Variants in MYPN observed in about 807,000 individuals in gnomAD.
The protein encoded by MYPN is myopalladin.
A neutral mutation model predicts 129.4 loss-of-function variants in MYPN; 63 were observed. That is an observed-to-expected ratio of 0.49 (90% CI 0.40 to 0.60). The LOEUF (loss-of-function observed/expected upper bound fraction) is 0.60. Ranked by LOEUF, MYPN falls within the 20% of genes least tolerant of loss-of-function variation. The pLI is 0.00. For synonymous variants in MYPN, 629 were observed against 600.9 expected (o/e 1.05, Z -0.68); for missense variants, 1,596 against 1,635.4 (o/e 0.98, Z 0.42).
At chr10:68,158,167 T>G (rs1274748955) in intron 6 of MYPN, 1 of 273,622 alleles carries the variant, frequency 3.7e-6, no homozygotes, top group Non-Finnish European at 7.0e-6. Context: ...GCGGGTGCCC[T>G]TTTTCTCCCT....
chr10:68,107,074 T>C (rs2042020633), upstream of MYPN, among the ~76,000 whole-genome samples: 1 of 152,248 alleles, frequency 6.6e-6, no homozygotes, highest in African/African-American at 2.4e-5. Context: ...ATATAATGTT[T>C]ATACAATTAC....
intron 2 of MYPN, among the ~76,000 whole-genome samples, chr10:68,134,802 AAATT>A (rs1418305534): frequency 1.3e-5 from 2 of 152,094 alleles, no homozygotes; most frequent in African/African-American, 2.4e-5. Flanking sequence ...TCAAAAAAAT[AAATT>A]AATTAATTAA....
intron 1 of MYPN, among the ~76,000 whole-genome samples, chr10:68,094,668 G>A (rs1003577726): frequency 1.3e-5 from 2 of 152,082 alleles, no homozygotes; most frequent in South Asian, 2.1e-4. Flanking sequence ...AATTTATTTC[G>A]TGATATGTAA....
intron 2 of MYPN, among the ~76,000 whole-genome samples, chr10:68,125,070 G>A (rs999169789): frequency 4.6e-5 from 7 of 152,130 alleles, no homozygotes; most frequent in African/African-American, 1.7e-4. Flanking sequence ...GATCATTCAG[G>A]TCTCATCCTA....
intron 1 of MYPN, among the ~76,000 whole-genome samples, chr10:68,089,243 G>A (rs531164305): frequency 5.8e-4 from 88 of 152,228 alleles, no homozygotes; most frequent in East Asian, 3.7e-3. Flanking sequence ...CGTTGGCCAG[G>A]CTGGTCTTGA....
At chr10:68,119,525 C>A (rs1023779195) in intron 1 of MYPN, among the ~76,000 whole-genome samples, 5 of 152,016 alleles carry the variant, frequency 3.3e-5, no homozygotes, top group African/African-American at 1.2e-4. Flanking sequence ...ATTATCCTGT[C>A]TCAGCCTCCT....
intron 3 of MYPN, among the ~76,000 whole-genome samples, chr10:68,143,892 T>C (rs1339155972): frequency 1.3e-5 from 2 of 152,242 alleles, no homozygotes; most frequent in Non-Finnish European, 1.5e-5. Context: ...ATAGCTGGGA[T>C]TACAGGCATG....
intron 12 of MYPN, among the ~76,000 whole-genome samples, chr10:68,182,430 CAT>C (rs369261523): frequency 9.3e-6 from 1 of 107,168 alleles, no homozygotes. Context: ...ATATATAACA[CAT>C]ATATATAACA....
rs786205348 is a variant in MYPN, at chr10:68,194,418, T to C, written c.2981T>C (p.Met994Thr). 1.2e-5 allele frequency: 20 copies of C among 1,613,722 alleles called. No homozygotes were observed. Among genetic ancestry groups the C allele is most frequent in the Non-Finnish European group, 1.4e-5 (17 of 1,179,882 alleles). Reference sequence around the variant, plus strand: ...TCTAAGAGAAATGAGCACTGCAAAATGAGGCGAGAAGGAGATGGGACATGC... The same window carrying C: ...TCTAAGAGAAATGAGCACTGCAAAACGAGGCGAGAAGGAGATGGGACATGC... ...QISKRNEHCK[M>T]RREGDGTCSL... Residue 994 changes from methionine (M) to threonine (T), a missense_variant, in exon 14 of 20, where the codon ATG becomes ACG. Transcript: ENST00000358913.
At position 68,199,352 on chromosome 10, in the gene MYPN, T is replaced by C. The variant is rs1273931462; in HGVS notation, c.3286-16T>C. ...TGTCATCAGTCATGTGCCTCAGCTG[T>C]TCTGTTGTTTATTAGGTGAGTGGTT... is the stretch of plus-strand genomic sequence containing the variant. On this transcript the variant is annotated splice_polypyrimidine_tract_variant and intron_variant, in intron 16 of 19. Coordinates refer to ENST00000358913, the MANE Select transcript of MYPN (RefSeq NM_032578.4). 3.1e-6 allele frequency: 5 copies of C among 1,612,874 alleles called. No homozygotes were observed. The highest frequency in any genetic ancestry group is 4.2e-6 in the Non-Finnish European group (5 of 1,179,256).
chr10:68,106,299 T>A (rs1423982606), upstream of MYPN: 6 of 386,708 alleles, frequency 1.6e-5, no homozygotes, highest in Admixed American at 3.6e-5. Flanking sequence ...TTTTTTTTTT[T>A]AATGTTTTTA....
chr10:68,099,238 C>A (rs970718496), intron 1 of MYPN, among the ~76,000 whole-genome samples: 1 of 152,110 alleles, frequency 6.6e-6, no homozygotes, highest in African/African-American at 2.4e-5. Context: ...ACTTGAAAAT[C>A]TGAGTTTTAC....
upstream of MYPN, among the ~76,000 whole-genome samples, chr10:68,108,730 TA>T (rs1564640155): frequency 6.6e-6 from 1 of 152,246 alleles, no homozygotes; most frequent in African/African-American, 2.4e-5. Context: ...TTAATTTTAT[TA>T]TTTTTTTTGA....
intron 2 of MYPN, among the ~76,000 whole-genome samples, chr10:68,125,774 C>T (rs555076559): frequency 1.3e-5 from 2 of 152,272 alleles, no homozygotes; most frequent in South Asian, 4.1e-4. Flanking sequence ...TTCTTATTTA[C>T]TCATTCAACA....
chr10:68,210,572 G>A lies in MYPN; in HGVS notation c.*117G>A. On this transcript the variant is annotated 3_prime_UTR_variant, in exon 20 of 20. Transcript: ENST00000358913. ...AGTAAGTTCCCACACTGCTGGACCT[G>A]TGGCAAAGAGTGCTTTGAATAAGTC... 8.4e-7 allele frequency: 1 copy of A among 1,191,106 alleles called. No individual in the cohort carries two copies. The highest frequency in any genetic ancestry group is 1.2e-6 in the Non-Finnish European group (1 of 810,594). 73.8% of individuals were successfully genotyped at this position (1,191,106 alleles called of 1,614,324 possible). A position where few individuals can be genotyped will look rare whatever the true frequency, so the allele number is the denominator to read the frequency against.
At chr10:68,161,080 T>G (rs1376026444) in intron 7 of MYPN, among the ~76,000 whole-genome samples, 1 of 152,238 alleles carries the variant, frequency 6.6e-6, no homozygotes, top group East Asian at 1.9e-4. Context: ...TAAGGCTGAA[T>G]GAGTGCCAGT....
chr10:68,095,383 G>T (rs1340111782), intron 1 of MYPN, among the ~76,000 whole-genome samples: 1 of 151,788 alleles, frequency 6.6e-6, no homozygotes, highest in Non-Finnish European at 1.5e-5. Context: ...GGCATGAAAG[G>T]CATGCATATG....
intron 18 of MYPN, among the ~76,000 whole-genome samples, chr10:68,204,553 C>T (rs1302003197): frequency 6.6e-6 from 1 of 152,008 alleles, no homozygotes; most frequent in Non-Finnish European, 1.5e-5. Context: ...AAAACCCTGT[C>T]TCTACTATAC....
intron 10 of MYPN, among the ~76,000 whole-genome samples, chr10:68,173,856 G>A (rs1027815310): frequency 1.4e-5 from 2 of 144,088 alleles, no homozygotes; most frequent in African/African-American, 2.5e-5. Context: ...TGTTAGAGAC[G>A]GGGTTTCACC....
Sources: gnomAD v4.1 joint callset for allele counts (sites outside exome capture counted in the v4.1 genomes callset) on GRCh38, gnomAD v4.1.1 for gene constraint, MANE v1.5 for transcripts, NCBI Gene and HGNC (gene_info 2026-07-23, HGNC 2026-07-21) for gene names.